DISP1: variants seen among roughly 807,000 people sequenced by gnomAD.
DISP1 encodes dispatched RND transporter family member 1, also known as protein dispatched homolog 1.
DISP1 carries 30 observed loss-of-function variants against 37.3 expected under a neutral mutation model. The ratio of observed to expected loss-of-function variants is 0.80; its 90% CI spans 0.60 to 1.09. The LOEUF (loss-of-function observed/expected upper bound fraction) is 1.09, where lower values mean the gene tolerates loss of function less well. Ranked by LOEUF, DISP1 falls within the 50% of genes least tolerant of loss-of-function variation. DISP1 has a pLI of 0.00. For missense variants in DISP1, 1,598 were observed against 1,879.5 expected, an observed-to-expected ratio of 0.85 and a Z score of 2.77; for synonymous variants, 634 against 690.2, an observed-to-expected ratio of 0.92 and a Z score of 1.28.
intron 1 of DISP1, among the ~76,000 whole-genome samples, chr1:222,875,533 G>C (rs911604282): frequency 6.6e-6 from 1 of 151,140 alleles, no homozygotes; most frequent in African/African-American, 2.4e-5. Flanking sequence ...AATAGCATCA[G>C]AAAGGTCTGG....
At chr1:222,981,125 C>A (rs935216087) in intron 3 of DISP1, among the ~76,000 whole-genome samples, 2 of 152,368 alleles carry the variant, frequency 1.3e-5, no homozygotes, top group Non-Finnish European at 2.9e-5. Context: ...GAAACTCAGA[C>A]TTTAAGTTCC....
chr1:222,938,146 T>C (rs1200717932), intron 2 of DISP1, among the ~76,000 whole-genome samples: 1 of 152,168 alleles, frequency 6.6e-6, no homozygotes, highest in African/African-American at 2.4e-5. Context: ...GTGCTGGGAT[T>C]ACAGGCATGA....
At chr1:222,999,819 G>A (rs1679313812) in intron 8 of DISP1, among the ~76,000 whole-genome samples, 1 of 152,130 alleles carries the variant, frequency 6.6e-6, no homozygotes, top group African/African-American at 2.4e-5. Flanking sequence ...CAGTCACGAT[G>A]TCTTTTCTCT....
chr1:222,869,766 G>T (rs1425933033), intron 1 of DISP1, among the ~76,000 whole-genome samples: 1 of 151,956 alleles, frequency 6.6e-6, no homozygotes, highest in African/African-American at 2.4e-5. Flanking sequence ...AAGAATTCAT[G>T]AAGAATTCTT....
At chr1:222,968,610 AAATT>A (rs1676677853) in intron 3 of DISP1, among the ~76,000 whole-genome samples, 1 of 152,168 alleles carries the variant, frequency 6.6e-6, no homozygotes, top group African/African-American at 2.4e-5. Flanking sequence ...CATTATGTCA[AAATT>A]AATTTTTAGA....
In DISP1 at chr1:222,984,088, AT is replaced by A. The variant is rs1215810015; in HGVS notation, c.539+980del. ...AAACTCTCCTTCTATTTAAAAAAAA[AT>A]ATATTTTTAAAATTGTGGTAAAATA... On this transcript the variant is annotated intron_variant, in intron 4 of 8. Coordinates refer to ENST00000675850, the MANE Select transcript of DISP1 (RefSeq NM_001377229.1). Among the ~76,000 whole-genome samples, 41 of 152,034 alleles carry A rather than the reference AT, an allele frequency of 2.7e-4. No homozygotes were observed. In the South Asian group the frequency reaches 8.5e-3, roughly 32 times the overall value.
At chr1:222,972,803 C>G (rs1677057301) in intron 3 of DISP1, among the ~76,000 whole-genome samples, 1 of 152,070 alleles carries the variant, frequency 6.6e-6, no homozygotes, top group Non-Finnish European at 1.5e-5. Context: ...GTGTATTGTT[C>G]TCTAATTTTT....
chr1:222,986,137 A>G (rs2102718443), intron 4 of DISP1, among the ~76,000 whole-genome samples: 1 of 152,278 alleles, frequency 6.6e-6, no homozygotes, highest in South Asian at 2.1e-4. Flanking sequence ...GCAGTTCAGA[A>G]AAGTCATGAG....
chr1:222,828,177 C>T (rs1469466238), intron 1 of DISP1, among the ~76,000 whole-genome samples: 1 of 152,130 alleles, frequency 6.6e-6, no homozygotes, highest in Admixed American at 6.5e-5. Flanking sequence ...GAAATATATG[C>T]AGAATTGTGA....
chr1:222,901,656 T>A, intron 1 of DISP1, among the ~76,000 whole-genome samples: 1 of 152,110 alleles, frequency 6.6e-6, no homozygotes, highest in East Asian at 1.9e-4. Flanking sequence ...GCCTTCTGAG[T>A]AGCTGGGATT....
chr1:222,948,080 C>T (rs1405117938), intron 3 of DISP1, among the ~76,000 whole-genome samples: 1 of 152,138 alleles, frequency 6.6e-6, no homozygotes, highest in Non-Finnish European at 1.5e-5. Flanking sequence ...TAATGCCATT[C>T]ACTAAAATGG....
In DISP1 at chr1:222,984,467, ATATATGTTATATATAACATAGGTT is replaced by A. The variant is rs541917432; in HGVS notation, c.539+1401_539+1424del. On this transcript the variant is annotated intron_variant, in intron 4 of 8. Transcript: ENST00000675850. Reference sequence around the variant, plus strand: ...AGAGAGAGAGAGAGAGAGCGTACTCATATATGTTATATATAACATAGGTTTATATGTTATATATAACATAGGTTT... The same window carrying A: ...AGAGAGAGAGAGAGAGAGCGTACTCATATATGTTATATATAACATAGGTTT... Among the ~76,000 whole-genome samples, 552 of 143,934 alleles carry A rather than the reference ATATATGTTATATATAACATAGGTT, an allele frequency of 3.8e-3. 2 individuals carry two copies. Among genetic ancestry groups the A allele is most frequent in the African/African-American group, 0.013 (503 of 38,804 alleles). The allele number at this position is 143,934 out of a possible 152,430, so 94.4% of individuals were successfully genotyped here.
At chr1:222,886,139 C>T (rs1670586835) in intron 1 of DISP1, among the ~76,000 whole-genome samples, 1 of 152,158 alleles carries the variant, frequency 6.6e-6, no homozygotes, top group African/African-American at 2.4e-5. Flanking sequence ...CGACACGTTT[C>T]CAACTCAGAT....
chr1:222,937,580 G>T (rs550033049), intron 2 of DISP1, among the ~76,000 whole-genome samples: 1 of 151,836 alleles, frequency 6.6e-6, no homozygotes, highest in African/African-American at 2.4e-5. Flanking sequence ...AAATTTAATC[G>T]AAAGATGGTT....
intron 3 of DISP1, among the ~76,000 whole-genome samples, chr1:222,963,246 T>C (rs1313350232): frequency 6.6e-6 from 1 of 152,086 alleles, no homozygotes; most frequent in Non-Finnish European, 1.5e-5. Context: ...CCAGTCAAAA[T>C]GGAGATTATT....
At chr1:222,882,392 G>A (rs1316878306) in intron 1 of DISP1, among the ~76,000 whole-genome samples, 1 of 152,054 alleles carries the variant, frequency 6.6e-6, no homozygotes, top group East Asian at 1.9e-4. Context: ...ACAAAGGAGT[G>A]GTTTCTCATT....
chr1:222,883,099 T>A (rs1342572955), intron 1 of DISP1, among the ~76,000 whole-genome samples: 2 of 152,202 alleles, frequency 1.3e-5, no homozygotes, highest in East Asian at 3.8e-4. Flanking sequence ...TTTTTGTTTT[T>A]AAACATATTA....
intron 1 of DISP1, among the ~76,000 whole-genome samples, chr1:222,847,701 C>T (rs929714209): frequency 2.0e-5 from 3 of 152,046 alleles, no homozygotes; most frequent in Non-Finnish European, 4.4e-5. Context: ...CTCCAAGACA[C>T]ACCAACCCCC....
At chr1:222,887,368 TAAAG>T (rs927209965) in intron 1 of DISP1, among the ~76,000 whole-genome samples, 1 of 152,128 alleles carries the variant, frequency 6.6e-6, no homozygotes. Context: ...GCAGTTGAGA[TAAAG>T]AAACTCGTAT....
Sources: allele counts gnomAD v4.1 joint callset (sites outside exome capture counted in the v4.1 genomes callset), GRCh38; gene constraint gnomAD v4.1.1; transcripts MANE v1.5; gene names NCBI Gene and HGNC (gene_info 2026-07-23, HGNC 2026-07-21).